ANKS1B: variants seen among roughly 807,000 people sequenced by gnomAD.
ANKS1B encodes the protein ankyrin repeat and sterile alpha motif domain containing 1B.
A neutral mutation model predicts 148.3 loss-of-function variants in ANKS1B; 36 were observed. The observed-to-expected ratio is 0.24, with a 90% CI of 0.19 to 0.32. The LOEUF is 0.32. Ranked by LOEUF, ANKS1B falls within the 10% of genes least tolerant of loss-of-function variation. ANKS1B has a pLI of 1.00. For synonymous variants in ANKS1B, 542 were observed against 560.8 expected, an observed-to-expected ratio of 0.97 and a Z score of 0.47; for missense variants, 1,157 against 1,542.6, an observed-to-expected ratio of 0.75 and a Z score of 4.19.
intron 17 of ANKS1B, among the ~76,000 whole-genome samples, chr12:98,924,724 C>G (rs1597030903): frequency 6.6e-6 from 1 of 152,144 alleles, no homozygotes; most frequent in African/African-American, 2.4e-5. Context: ...TGTCAGAAAG[C>G]CTTAAGTACG....
rs1362544287 is a variant in ANKS1B at position 99,585,848 on chromosome 12, C to T, written c.1272+69219G>A. Among the ~76,000 whole-genome samples, 5 of 152,140 alleles carry T rather than the reference C, an allele frequency of 3.3e-5. No homozygotes were observed. In the East Asian group the frequency reaches 7.7e-4, roughly 24 times the overall value. ...AGCAGAAATGCAGGGCACCAAGTCC[C>T]TAGGCTGCACAGAGCAGGGAGGCCC... On this transcript the variant is annotated intron_variant, in intron 9 of 26. Transcript: ENST00000683438.
intron 15 of ANKS1B, among the ~76,000 whole-genome samples, chr12:99,134,645 TCACACACACACA>T (rs4016023): frequency 0.054 from 5,639 of 104,864 alleles, 172 homozygotes; most frequent in African/African-American, 0.064. Flanking sequence ...TCTCTCTCTC[TCACACACACACA>T]CACACACACA....
intron 1 of ANKS1B, among the ~76,000 whole-genome samples, chr12:99,884,656 CATATAATTCCATTT>C (rs1413902067): frequency 6.6e-6 from 1 of 151,954 alleles, no homozygotes; most frequent in Non-Finnish European, 1.5e-5. Context: ...CACTATATAC[CATATAATTCCATTT>C]ATATGACATT....
chr12:99,254,399 A>T lies in ANKS1B; in HGVS notation c.1757-7535T>A, dbSNP rs1248551713. Among the ~76,000 whole-genome samples, 8 of 152,370 alleles carry T rather than the reference A, an allele frequency of 5.3e-5. No homozygotes were observed. In the East Asian group the frequency reaches 1.5e-3, roughly 29 times the overall value. On this transcript the variant is annotated intron_variant, in intron 12 of 26. Coordinates refer to ENST00000683438, the MANE Select transcript of ANKS1B (RefSeq NM_001352186.2). ...TTCACTTTCATTATCTCATGAGTGT[A>T]CAGTAGAGTTGTTCAGAGGCTACAT...
chr12:98,910,004 A>T (rs1596699007), intron 17 of ANKS1B, among the ~76,000 whole-genome samples: 1 of 152,346 alleles, frequency 6.6e-6, no homozygotes, highest in East Asian at 1.9e-4. Flanking sequence ...CTGATCCATC[A>T]GGCTAATTAG....
chr12:99,037,768 G>A (rs1021484490), intron 17 of ANKS1B, among the ~76,000 whole-genome samples: 1 of 152,166 alleles, frequency 6.6e-6, no homozygotes, highest in Non-Finnish European at 1.5e-5. Flanking sequence ...TGCCAGGGGA[G>A]CCAGTTGGAA....
At chr12:98,994,278 C>G (rs2099928281) in intron 17 of ANKS1B, among the ~76,000 whole-genome samples, 1 of 152,102 alleles carries the variant, frequency 6.6e-6, no homozygotes, top group African/African-American at 2.4e-5. Context: ...ACTAGGGATA[C>G]TTCTTGTTTT....
chr12:99,793,550 G>C (rs775463821), intron 4 of ANKS1B, among the ~76,000 whole-genome samples: 1 of 151,964 alleles, frequency 6.6e-6, no homozygotes, highest in Non-Finnish European at 1.5e-5. Flanking sequence ...TTCGACAAAA[G>C]AGCCAAGAAC....
intron 8 of ANKS1B, among the ~76,000 whole-genome samples, chr12:99,689,918 T>C (rs2098669827): frequency 1.3e-5 from 2 of 152,208 alleles, no homozygotes; most frequent in Non-Finnish European, 1.5e-5. Flanking sequence ...GGACCTGTTA[T>C]TAGTCCATTC....
chr12:99,854,215 T>G (rs1462287353), intron 1 of ANKS1B, among the ~76,000 whole-genome samples: 5 of 152,158 alleles, frequency 3.3e-5, no homozygotes, highest in African/African-American at 1.2e-4. Flanking sequence ...GGTTTCACTG[T>G]GTTAGCCAGG....
chr12:99,634,313 G>T (rs1229189883), intron 9 of ANKS1B, among the ~76,000 whole-genome samples: 1 of 152,076 alleles, frequency 6.6e-6, no homozygotes, highest in African/African-American at 2.4e-5. Flanking sequence ...ACCTGAGAGA[G>T]CACATTCAGC....
At chr12:98,830,940 ATTTTTTTTTTTT>A (rs762642387) in intron 18 of ANKS1B, 1 of 45,530 alleles carries the variant, frequency 2.2e-5, no homozygotes, top group Non-Finnish European at 3.8e-5. Flanking sequence ...CTACCTCATA[ATTTTTTTTTTTT>A]TTTTTTTTTT....
intron 17 of ANKS1B, among the ~76,000 whole-genome samples, chr12:99,018,590 A>G (rs917623224): frequency 6.6e-6 from 1 of 152,172 alleles, no homozygotes; most frequent in Admixed American, 6.6e-5. Context: ...GATTGAATGA[A>G]CTCAGTATAG....
intron 16 of ANKS1B, among the ~76,000 whole-genome samples, chr12:99,054,488 G>A (rs1052843143): frequency 7.2e-5 from 11 of 152,088 alleles, no homozygotes; most frequent in Admixed American, 1.3e-4. Flanking sequence ...CTCTTTTCCA[G>A]TTGTTCCGCT....
intron 16 of ANKS1B, among the ~76,000 whole-genome samples, chr12:99,069,225 G>A (rs891624234): frequency 6.6e-6 from 1 of 152,132 alleles, no homozygotes; most frequent in African/African-American, 2.4e-5. Flanking sequence ...GAGCCTGCTG[G>A]GTCTCGGGAC....
intron 12 of ANKS1B, among the ~76,000 whole-genome samples, chr12:99,322,676 C>T (rs1360360767): frequency 6.6e-6 from 1 of 152,108 alleles, no homozygotes; most frequent in African/African-American, 2.4e-5. Flanking sequence ...TTGCCATGCT[C>T]TGAAGTCACC....
intron 17 of ANKS1B, among the ~76,000 whole-genome samples, chr12:98,839,997 C>T (rs1355063084): frequency 6.6e-6 from 1 of 152,152 alleles, no homozygotes; most frequent in Admixed American, 6.5e-5. Flanking sequence ...GTCACTGCAT[C>T]TCAGGGTCCC....
At chr12:99,222,172 G>C (rs1389326123) in intron 14 of ANKS1B, among the ~76,000 whole-genome samples, 1 of 152,116 alleles carries the variant, frequency 6.6e-6, no homozygotes, top group Non-Finnish European at 1.5e-5. Flanking sequence ...TTTTATATTT[G>C]CTTGTACCTC....
intron 13 of ANKS1B, among the ~76,000 whole-genome samples, chr12:99,245,774 G>A (rs2090133230): frequency 6.6e-6 from 1 of 152,172 alleles, no homozygotes; most frequent in Non-Finnish European, 1.5e-5. Context: ...CCTGATAGCT[G>A]CAAAAGGGAA....
Sources: gnomAD v4.1 joint callset for allele counts (sites outside exome capture counted in the v4.1 genomes callset) on GRCh38, gnomAD v4.1.1 for gene constraint, MANE v1.5 for transcripts, NCBI Gene and HGNC (gene_info 2026-07-23, HGNC 2026-07-21) for gene names.